TAFA5: variants seen among roughly 807,000 people sequenced by gnomAD.
The protein encoded by TAFA5 is chemokine-like protein TAFA-5.
TAFA5 carries 6 observed loss-of-function variants against 15.3 expected under a neutral mutation model. The ratio of observed to expected loss-of-function variants is 0.39; its 90% CI spans 0.21 to 0.77. TAFA5 has a LOEUF of 0.77. TAFA5 is among the 30% of genes least tolerant of loss of function. TAFA5 has a pLI of 0.41. For synonymous variants in TAFA5, 103 were observed against 80.7 expected (o/e 1.28, Z -1.48); for missense variants, 161 against 193.1 (o/e 0.83, Z 0.98).
intron 1 of TAFA5, among the ~76,000 whole-genome samples, chr22:48,590,804 T>C (rs183467461): frequency 7.9e-5 from 12 of 152,300 alleles, no homozygotes; most frequent in African/African-American, 2.6e-4. Flanking sequence ...CCTGGTATGT[T>C]ATTAAAAATG....
rs1928737264 is a variant in TAFA5 at position 48,697,162 on chromosome 22, G to A, written c.263-10555G>A. 1.3e-5 allele frequency among the ~76,000 whole-genome samples: 2 copies of A among 152,184 alleles called. 1 individual carries two copies. Among genetic ancestry groups the A allele is most frequent in the South Asian group, 4.1e-4 (2 of 4,820 alleles). ...AAGACAGGCCACTGGGGTGCAGTTA[G>A]GGCTTGCTTTATTATCCCTCTCTGA... On this transcript the variant is annotated intron_variant, in intron 2 of 3. Coordinates refer to ENST00000402357, the MANE Select transcript of TAFA5 (RefSeq NM_001082967.3).
At position 48,630,155 on chromosome 22, in the gene TAFA5, GC is replaced by G. The variant is rs543095163; in HGVS notation, c.113-16441del. On this transcript the variant is annotated intron_variant, in intron 1 of 3. Transcript: ENST00000402357. ...AGGGTGCTCTGCTTGCAGAACGGGG[GC>G]GGGGGATGAGCAGGTGGAGTGGGAG... 5.0e-3 allele frequency among the ~76,000 whole-genome samples: 760 copies of G among 151,168 alleles called. 6 individuals carry two copies. Among genetic ancestry groups the G allele is most frequent in the African/African-American group, 0.018 (729 of 40,592 alleles).
chr22:48,645,981 G>A (rs1251285607), intron 1 of TAFA5, among the ~76,000 whole-genome samples: 8 of 152,166 alleles, frequency 5.3e-5, no homozygotes, highest in Admixed American at 3.3e-4. Flanking sequence ...CGTGCACCGC[G>A]CTGTGGGAGG....
intron 2 of TAFA5, among the ~76,000 whole-genome samples, chr22:48,659,565 C>T (rs995065913): frequency 1.3e-5 from 2 of 152,230 alleles, no homozygotes; most frequent in Non-Finnish European, 2.9e-5. Context: ...CGGGAGGAGG[C>T]GGTGGCCAAG....
At chr22:48,650,618 G>A (rs894218324) in intron 2 of TAFA5, among the ~76,000 whole-genome samples, 3 of 152,144 alleles carry the variant, frequency 2.0e-5, no homozygotes, top group South Asian at 2.1e-4. Context: ...CAGCCTCCCC[G>A]GCCTTGTCTC....
chr22:48,595,583 G>A (rs939556462), intron 1 of TAFA5, among the ~76,000 whole-genome samples: 6 of 152,364 alleles, frequency 3.9e-5, no homozygotes, highest in Non-Finnish European at 8.8e-5. Context: ...CATCCGTTCC[G>A]TGGACAAGCC....
chr22:48,555,545 GGAGA>G (rs769219455), intron 1 of TAFA5, among the ~76,000 whole-genome samples: 2 of 152,188 alleles, frequency 1.3e-5, no homozygotes, highest in Non-Finnish European at 2.9e-5. Context: ...ATGGGAAGAG[GGAGA>G]GAGGGAGACA....
At chr22:48,562,093 G>A (rs1358705292) in intron 1 of TAFA5, among the ~76,000 whole-genome samples, 1 of 152,174 alleles carries the variant, frequency 6.6e-6, no homozygotes, top group Admixed American at 6.5e-5. Context: ...CATCTCTGCT[G>A]CCCTCCTTAT....
chr22:48,541,886 G>A (rs1379714604), intron 1 of TAFA5, among the ~76,000 whole-genome samples: 6 of 152,194 alleles, frequency 3.9e-5, no homozygotes, highest in Admixed American at 3.9e-4. Context: ...GGGCTCCCCC[G>A]GGGCATGTTG....
chr22:48,744,734 G>T (rs1422812434), intron 3 of TAFA5, among the ~76,000 whole-genome samples: 1 of 152,180 alleles, frequency 6.6e-6, no homozygotes, highest in Non-Finnish European at 1.5e-5. Flanking sequence ...AGCCCTGGGA[G>T]GCAGGGGGCG....
intron 2 of TAFA5, among the ~76,000 whole-genome samples, chr22:48,671,520 T>C (rs1483737353): frequency 1.3e-5 from 2 of 152,150 alleles, no homozygotes; most frequent in African/African-American, 4.8e-5. Flanking sequence ...AACCAAGCCA[T>C]CCAGAGTGGT....
At chr22:48,618,724 T>C (rs1279629914) in intron 1 of TAFA5, among the ~76,000 whole-genome samples, 1 of 152,226 alleles carries the variant, frequency 6.6e-6, no homozygotes, top group Non-Finnish European at 1.5e-5. Context: ...CTGGGCCCTG[T>C]GGCCACTGGG....
intron 1 of TAFA5, among the ~76,000 whole-genome samples, chr22:48,504,145 G>T (rs1342510475): frequency 6.6e-6 from 1 of 152,196 alleles, no homozygotes; most frequent in African/African-American, 2.4e-5. Context: ...TAGGGGTGCG[G>T]GCTGGACTGG....
At chr22:48,590,440 G>T (rs1484555684) in intron 1 of TAFA5, among the ~76,000 whole-genome samples, 1 of 152,198 alleles carries the variant, frequency 6.6e-6, no homozygotes, top group African/African-American at 2.4e-5. Flanking sequence ...TCCATTCACG[G>T]GCTGATGGGA....
At chr22:48,581,565 G>A (rs1924043484) in intron 1 of TAFA5, among the ~76,000 whole-genome samples, 1 of 152,228 alleles carries the variant, frequency 6.6e-6, no homozygotes, top group Admixed American at 6.5e-5. Flanking sequence ...TGGCGAGGCC[G>A]TGTCCGTGCT....
At chr22:48,599,191 C>T (rs568499529) in intron 1 of TAFA5, among the ~76,000 whole-genome samples, 1 of 152,304 alleles carries the variant, frequency 6.6e-6, no homozygotes, top group East Asian at 1.9e-4. Context: ...ACTCAATCTC[C>T]AGCCCCTTTC....
intron 1 of TAFA5, among the ~76,000 whole-genome samples, chr22:48,540,304 G>T (rs147081880): frequency 2.2e-3 from 333 of 152,258 alleles, no homozygotes; most frequent in Non-Finnish European, 3.4e-3. Context: ...AGGGCGGTGG[G>T]GGGAGGTGGA....
At chr22:48,634,702 C>G (rs1926382934) in intron 1 of TAFA5, among the ~76,000 whole-genome samples, 1 of 152,206 alleles carries the variant, frequency 6.6e-6, no homozygotes, top group Non-Finnish European at 1.5e-5. Context: ...GTCAGTCATT[C>G]ATTCATTCAC....
At position 48,550,143 on chromosome 22, in the gene TAFA5, G is replaced by A. The variant is rs1202332133; in HGVS notation, c.112+60439G>A. Among the ~76,000 whole-genome samples the A allele has an allele frequency of 1.3e-5, 2 of 152,228 alleles. No homozygotes were observed. Among genetic ancestry groups the A allele is most frequent in the East Asian group, 3.9e-4 (2 of 5,178 alleles). On this transcript the variant is annotated intron_variant, in intron 1 of 3. Transcript: ENST00000402357. This position sits in a 1 kb window ranked among gnomAD's most constrained non-coding sequence, Gnocchi z 4.1. ...GGGTATGCTGGGCATGGGTGTAGCA[G>A]CCTGTGTGTGTCCACCCGAGGTGGC...
Sources: allele counts gnomAD v4.1 joint callset (sites outside exome capture counted in the v4.1 genomes callset), GRCh38; gene constraint gnomAD v4.1.1; non-coding constraint Gnocchi (gnomAD v3.1); transcripts MANE v1.5; gene names NCBI Gene and HGNC (gene_info 2026-07-23, HGNC 2026-07-21).